The following DNTTIP2 variants were observed in gnomAD, a reference collection of about 807,000 sequenced individuals.
DNTTIP2 encodes the protein deoxynucleotidyltransferase terminal interacting protein 2.
Under a neutral mutation model 62.4 loss-of-function variants are expected in DNTTIP2, and 47 were observed. That is an observed-to-expected ratio of 0.75 (90% CI 0.60 to 0.96). The LOEUF is 0.96. DNTTIP2 is among the 40% of genes least tolerant of loss of function. The pLI, the probability that DNTTIP2 is intolerant of heterozygous loss-of-function variation, is 0.00. For synonymous variants in DNTTIP2, 322 were observed against 300.9 expected (o/e 1.07, Z -0.73); for missense variants, 870 against 849.1 (o/e 1.02, Z -0.31).
rs1465529341 is a variant in DNTTIP2 at position 93,866,646 on chromosome 1, C to G, written c.*3205G>C. ...AACTTTTTTATATAGCCTCCCCACT[C>G]CCCACTCCTTTTGTGACATCTAGTT... On this transcript the variant is annotated 3_prime_UTR_variant, in exon 7 of 7. Coordinates refer to ENST00000436063, the MANE Select transcript of DNTTIP2 (RefSeq NM_014597.5). The G allele has an allele frequency of 1.3e-5, 2 of 152,102 alleles. No homozygotes were observed. Among genetic ancestry groups the G allele is most frequent in the Non-Finnish European group, 2.9e-5 (2 of 68,036 alleles). 9.4% of individuals were successfully genotyped at this position (152,102 alleles called of 1,614,324 possible). A position where few individuals can be genotyped will look rare whatever the true frequency, so the allele number is the denominator to read the frequency against.
chr1:93,874,146 T>G (rs1183852173), intron 3 of DNTTIP2, among the ~76,000 whole-genome samples: 1 of 152,210 alleles, frequency 6.6e-6, no homozygotes, highest in Non-Finnish European at 1.5e-5. Context: ...AAGAGTTTGC[T>G]GTGAGTCAAG....
rs979305940 is a variant in DNTTIP2 at position 93,867,259 on chromosome 1, C to A, written c.*2592G>T. ...CTTGAAGGTCTCTTTCACCAGCACA[C>A]CTGACTGTGGCAGCCCTTTGGATTC... On this transcript the variant is annotated 3_prime_UTR_variant, in exon 7 of 7. Transcript: ENST00000436063. 5 of 151,912 alleles carry A rather than the reference C, an allele frequency of 3.3e-5. No homozygotes were observed. Among genetic ancestry groups the A allele is most frequent in the African/African-American group, 1.2e-4 (5 of 41,332 alleles). The allele number at this position is 151,912 out of a possible 1,614,324, so 9.4% of individuals were successfully genotyped here. A position where few individuals can be genotyped will look rare whatever the true frequency, so the allele number is the denominator to read the frequency against.
intron 3 of DNTTIP2, 69 bp downstream of exon 3, chr1:93,875,576 T>C (rs1323951397): frequency 6.6e-7 from 1 of 1,517,634 alleles, no homozygotes; most frequent in Non-Finnish European, 8.8e-7. Context: ...AATTAAGTCT[T>C]TTACCAAGGA....
rs767724218 is a variant in DNTTIP2, at chr1:93,872,207, G to C, written c.1932C>G (p.Gly644=). 6.2e-7 allele frequency: 1 copy of C among 1,613,478 alleles called. No homozygotes were observed. The highest frequency in any genetic ancestry group is 1.1e-5 in the South Asian group (1 of 90,988). ...RKERQKTAGD[G]WFGMKAPEMT... Reference sequence around the variant, plus strand: ...TTTCTGGAGCTTTCATACCAAACCAGCCATCCCCTGCTGTTTTTTGTCGTT... The same window carrying C: ...TTTCTGGAGCTTTCATACCAAACCACCCATCCCCTGCTGTTTTTTGTCGTT... The change falls in exon 5 of 7, where the codon GGC becomes GGG. Residue 644 remains glycine (G), a synonymous_variant. Transcript: ENST00000436063.
At position 93,869,955 on chromosome 1, in the gene DNTTIP2, A is replaced by T; in HGVS notation, c.2178-11T>A. On this transcript the variant is annotated splice_polypyrimidine_tract_variant and intron_variant, in intron 6 of 6. Transcript: ENST00000436063. ...TTCCTTCGGTTGTATCTGAAAAAGA[A>T]AAATCAGAACTTTATGTTTGATATA... 1.3e-6 allele frequency: 1 copy of T among 775,550 alleles called. No homozygotes were observed. Among genetic ancestry groups the T allele is most frequent in the South Asian group, 1.4e-5 (1 of 73,678 alleles). The allele number at this position is 775,550 out of a possible 1,614,324, so 48.0% of individuals were successfully genotyped here. A position where few individuals can be genotyped will look rare whatever the true frequency, so the allele number is the denominator to read the frequency against.
rs1229110779 is a variant in DNTTIP2, at chr1:93,868,880, C to G, written c.*971G>C. ...GTGGGGGACTAGGGGAGGGATAGCA[C>G]TAGGAGAAATACCTAATGTAGATAG... On this transcript the variant is annotated 3_prime_UTR_variant, in exon 7 of 7. Coordinates refer to ENST00000436063, the MANE Select transcript of DNTTIP2 (RefSeq NM_014597.5). The G allele has an allele frequency of 6.6e-6, 1 of 151,776 alleles. No individual in the cohort carries two copies. Among genetic ancestry groups the G allele is most frequent in the Admixed American group, 6.6e-5 (1 of 15,224 alleles). 9.4% of individuals were successfully genotyped at this position (151,776 alleles called of 1,614,324 possible). A position where few individuals can be genotyped will look rare whatever the true frequency, so the allele number is the denominator to read the frequency against.
rs747126572 is a variant in DNTTIP2 at position 93,876,369 on chromosome 1, CTCT to C, written c.1563_1565del (p.Glu524del). ...CTTCTTCACTTTTTTCATCCTCTTCCTCTTCTTTTTCTTCCTCAATGGCAACCT... is the reference window on the plus strand; with the variant it reads ...CTTCTTCACTTTTTTCATCCTCTTCCTCTTTTTCTTCCTCAATGGCAACCT... On this transcript the variant is annotated inframe_deletion, in exon 2 of 7. Coordinates refer to ENST00000436063, the MANE Select transcript of DNTTIP2 (RefSeq NM_014597.5). 1.9e-5 allele frequency: 30 copies of C among 1,572,380 alleles called. No homozygotes were observed. In the African/African-American group the frequency reaches 3.4e-4, roughly 18 times the overall value.
In DNTTIP2 at chr1:93,877,804, C is replaced by T; in HGVS notation, c.131G>A (p.Arg44Gln). ...AGTGGTCTGTGATTCAGCAGTAGTT[C>T]GGGCATCAGATCCAGTACTACTTTC... The part of the protein sequence containing the change: ...HPESSTGSDA[R>Q]TTAESQTTGK... Residue 44 changes from arginine to glutamine, a missense_variant, in exon 2 of 7, where the codon CGA (arginine) becomes CAA (glutamine). By Grantham distance (43) the Arg-to-Gln change is conservative. Transcript: ENST00000436063. 1.2e-6 allele frequency: 2 copies of T among 1,607,440 alleles called. No homozygotes were observed. The highest frequency in any genetic ancestry group is 1.7e-6 in the Non-Finnish European group (2 of 1,179,850).
chr1:93,873,440 AAAAG>A lies in DNTTIP2; in HGVS notation c.1807-230_1807-227del. On this transcript the variant is annotated intron_variant, in intron 3 of 6. Coordinates refer to ENST00000436063, the MANE Select transcript of DNTTIP2 (RefSeq NM_014597.5). ...GACCCTGACTGTAAAAAAAAAAAAA[AAAAG>A]AAAAGAAATTAGTTGGGCATGGTGG... 4 of 369,304 alleles carry A rather than the reference AAAAG, an allele frequency of 1.1e-5. No homozygotes were observed. The South Asian group carries it at 1.1e-4, about 10-fold the overall frequency. 22.9% of individuals were successfully genotyped at this position (369,304 alleles called of 1,614,324 possible). A position where few individuals can be genotyped will look rare whatever the true frequency, so the allele number is the denominator to read the frequency against.
At chr1:93,877,988 A>AT (rs1656058757) in intron 1 of DNTTIP2, 126 bp from the exon 2 acceptor site, 1 of 1,348,672 alleles carries the variant, frequency 7.4e-7, no homozygotes, top group Non-Finnish European at 9.8e-7. Context: ...AAACAAAAAA[A>AT]CCTGCCCAAC....
At position 93,879,084 on chromosome 1, in the gene DNTTIP2, C is replaced by A; in HGVS notation, c.65G>T (p.Gly22Val). 1 of 1,613,740 alleles carries A rather than the reference C, an allele frequency of 6.2e-7. No individual in the cohort carries two copies. The change falls in exon 1 of 7, where the codon GGG becomes GTG. Residue 22 changes from glycine (G) to valine (V), a missense_variant. Gly to Val is a moderately radical substitution (Grantham distance 109, BLOSUM62 -3). Transcript: ENST00000436063. ...GAAGACTGGATTTCCTACCTTTTGC[C>A]CGGAACTTTCAGCCGACGCGGCTTG... Reference protein sequence around the residue: ...SIQAASAESSGQKSFAANGIQ... With the variant: ...SIQAASAESSVQKSFAANGIQ...
intron 3 of DNTTIP2, 195 bp from the exon 4 acceptor site, chr1:93,873,409 T>TA: frequency 2.5e-6 from 1 of 395,142 alleles, no homozygotes; most frequent in East Asian, 5.0e-5. Flanking sequence ...TTGGTCAACA[T>TA]AGCAAGACCC....
At chr1:93,878,503 C>T (rs1020052062) in intron 1 of DNTTIP2, 8 of 153,946 alleles carry the variant, frequency 5.2e-5, no homozygotes, top group African/African-American at 1.9e-4. Context: ...CTCTGAACAC[C>T]GATGTGTTTA....
At position 93,876,372 on chromosome 1, in the gene DNTTIP2, T is replaced by C. The variant is rs915516135; in HGVS notation, c.1563A>G (p.Glu521=). ...ASEVAIEEEK[E]EEEDEKSEED... ...CTTCACTTTTTTCATCCTCTTCCTC[T>C]TCTTTTTCTTCCTCAATGGCAACCT... Residue 521 remains glutamate, a synonymous_variant, in exon 2 of 7, where the codon GAA becomes GAG. Coordinates refer to ENST00000436063, the MANE Select transcript of DNTTIP2 (RefSeq NM_014597.5). 1.3e-6 allele frequency: 2 copies of C among 1,576,066 alleles called. No homozygotes were observed. Among genetic ancestry groups the C allele is most frequent in the Non-Finnish European group, 1.7e-6 (2 of 1,159,446 alleles).
intron 1 of DNTTIP2, 94 bp downstream of exon 1, chr1:93,878,983 A>C: frequency 6.7e-7 from 1 of 1,485,116 alleles, no homozygotes; most frequent in Non-Finnish European, 9.0e-7. Context: ...CTCTGTCGGC[A>C]GGTCCTCACC....
rs375537489 is a variant in DNTTIP2 at position 93,876,909 on chromosome 1, G to A, written c.1026C>T (p.Pro342=). The part of the protein sequence containing the change: ...QQLVSQRHST[P]QNKNAVSVHS... ...GCACTGATACAGCATTTTTATTTTG[G>A]GGGGTTGAATGTCTCTGAGAAACTA... The change falls in exon 2 of 7, where the codon CCC becomes CCT. Residue 342 remains proline, a synonymous_variant. Coordinates refer to ENST00000436063, the MANE Select transcript of DNTTIP2 (RefSeq NM_014597.5). 2 of 1,613,594 alleles carry A rather than the reference G, an allele frequency of 1.2e-6. No homozygotes were observed. The highest frequency in any genetic ancestry group is 2.7e-5 in the African/African-American group (2 of 74,870).
chr1:93,871,443 A>G (rs1427804452), intron 5 of DNTTIP2, among the ~76,000 whole-genome samples: 1 of 152,188 alleles, frequency 6.6e-6, no homozygotes, highest in African/African-American at 2.4e-5. Context: ...AAAGAATGAC[A>G]ATTTAGCTTG....
Position 93,870,785 on chromosome 1 carries a change from G to C in DNTTIP2, c.2075C>G (p.Thr692Ser). The change falls in exon 6 of 7, where the codon ACC becomes AGC. Residue 692 changes from threonine (T) to serine (S), a missense_variant. Coordinates refer to ENST00000436063, the MANE Select transcript of DNTTIP2 (RefSeq NM_014597.5). ...DGFPKYFQIG[T>S]IVDNPADFYH... ...GAAATCAGCTGGATTGTCAACAATG[G>C]TTCCAATCTGTGAACAATTGATTGA... The C allele has an allele frequency of 6.5e-7, 1 of 1,539,030 alleles. No individual in the cohort carries two copies. The highest frequency in any genetic ancestry group is 8.8e-7 in the Non-Finnish European group (1 of 1,135,814).
rs913786122 is a variant in DNTTIP2 at position 93,868,451 on chromosome 1, G to C, written c.*1400C>G. On this transcript the variant is annotated 3_prime_UTR_variant, in exon 7 of 7. Transcript: ENST00000436063. ...GAAGACAGTGTGGTGATTCCGCAAGGATCTAGGACCAGAAATACCATTTGA... is the reference window on the plus strand; with the variant it reads ...GAAGACAGTGTGGTGATTCCGCAAGCATCTAGGACCAGAAATACCATTTGA... The C allele has an allele frequency of 1.3e-5, 2 of 152,144 alleles. No individual in the cohort carries two copies. Among genetic ancestry groups the C allele is most frequent in the African/African-American group, 4.8e-5 (2 of 41,424 alleles). 9.4% of individuals were successfully genotyped at this position (152,144 alleles called of 1,614,324 possible).
Sources: allele counts gnomAD v4.1 joint callset (sites outside exome capture counted in the v4.1 genomes callset), GRCh38; gene constraint gnomAD v4.1.1; transcripts MANE v1.5; gene names NCBI Gene and HGNC (gene_info 2026-07-23, HGNC 2026-07-21).